SYN3: variants seen among roughly 807,000 people sequenced by gnomAD.
SYN3 encodes the protein synapsin III, also known as synapsin-3.
In SYN3, 35 loss-of-function variants were observed where a neutral mutation model predicts 65.8. The observed-to-expected ratio is 0.53, with a 90% CI of 0.41 to 0.70. The LOEUF (loss-of-function observed/expected upper bound fraction) is 0.70. Ranked by LOEUF, SYN3 falls within the 30% of genes least tolerant of loss-of-function variation. The pLI is 0.00. For synonymous variants in SYN3, 270 were observed against 292.9 expected (o/e 0.92, Z 0.80); for missense variants, 680 against 749.0 (o/e 0.91, Z 1.08).
chr22:32,986,074 A>C (rs1358236546), intron 2 of SYN3, among the ~76,000 whole-genome samples: 1 of 152,030 alleles, frequency 6.6e-6, no homozygotes, highest in Admixed American at 6.6e-5. Flanking sequence ...CCAGAAACTG[A>C]GTCTCCATGC....
At chr22:32,638,525 C>A (rs2059851371) in intron 6 of SYN3, among the ~76,000 whole-genome samples, 1 of 152,164 alleles carries the variant, frequency 6.6e-6, no homozygotes, top group South Asian at 2.1e-4. Context: ...GAGATGGTAT[C>A]TCATGGCGGT....
At chr22:33,034,738 A>G (rs539731191) in intron 1 of SYN3, among the ~76,000 whole-genome samples, 2 of 152,284 alleles carry the variant, frequency 1.3e-5, no homozygotes, top group South Asian at 4.1e-4. Context: ...CATTTTACGC[A>G]TGAGGAAACC....
At chr22:32,899,215 G>T (rs1431386762) in intron 4 of SYN3, among the ~76,000 whole-genome samples, 2 of 152,210 alleles carry the variant, frequency 1.3e-5, no homozygotes, top group Non-Finnish European at 2.9e-5. Flanking sequence ...AATCCTAGCG[G>T]GTGGTTCACA....
At chr22:32,676,528 CTTTTTTTTTTTTTT>C (rs879196572) in intron 6 of SYN3, among the ~76,000 whole-genome samples, 74 of 88,918 alleles carry the variant, frequency 8.3e-4, no homozygotes, top group Middle Eastern at 7.2e-3. Flanking sequence ...TCTTTTCTTT[CTTTTTTTTTTTTTT>C]TTTTTTTTTT....
intron 6 of SYN3, among the ~76,000 whole-genome samples, chr22:32,692,599 G>A (rs2060680455): frequency 2.0e-5 from 3 of 152,092 alleles, no homozygotes; most frequent in Non-Finnish European, 4.4e-5. Context: ...TTCTGTCTCC[G>A]CTGCTTCTGC....
intron 2 of SYN3, among the ~76,000 whole-genome samples, chr22:32,990,253 C>T (rs1212526164): frequency 7.3e-6 from 1 of 137,896 alleles, no homozygotes; most frequent in East Asian, 2.1e-4. Context: ...ATTATCCATT[C>T]ATCCACCCAA....
At chr22:33,043,781 G>C (rs1023419079) in intron 1 of SYN3, among the ~76,000 whole-genome samples, 1 of 151,400 alleles carries the variant, frequency 6.6e-6, no homozygotes, top group Non-Finnish European at 1.5e-5. Context: ...TGGGTCAGGC[G>C]CAGTGGCTCA....
intron 4 of SYN3, among the ~76,000 whole-genome samples, chr22:32,924,205 T>A (rs1387446028): frequency 6.6e-6 from 1 of 152,232 alleles, no homozygotes; most frequent in Non-Finnish European, 1.5e-5. Flanking sequence ...ATATACTCGG[T>A]AATGGGATTG....
chr22:32,542,974 A>T (rs1425385027), intron 7 of SYN3, among the ~76,000 whole-genome samples: 1 of 152,000 alleles, frequency 6.6e-6, no homozygotes, highest in Non-Finnish European at 1.5e-5. Flanking sequence ...ACAGCAGAGG[A>T]GTTCTGATGC....
At chr22:32,662,175 T>A (rs1297257022) in intron 6 of SYN3, among the ~76,000 whole-genome samples, 1 of 152,168 alleles carries the variant, frequency 6.6e-6, no homozygotes, top group African/African-American at 2.4e-5. Context: ...ATTCCCCCTA[T>A]GCATCCACTC....
intron 6 of SYN3, among the ~76,000 whole-genome samples, chr22:32,847,192 C>T (rs1220146857): frequency 6.6e-6 from 1 of 152,186 alleles, no homozygotes; most frequent in Non-Finnish European, 1.5e-5. Context: ...GCAGACATGC[C>T]TCTGCACGGA....
intron 6 of SYN3, among the ~76,000 whole-genome samples, chr22:32,835,262 ACCTACTATGTTCCAGACACTG>A (rs1465542011): frequency 6.6e-6 from 1 of 152,192 alleles, no homozygotes; most frequent in Non-Finnish European, 1.5e-5. Flanking sequence ...CCCACTGAGC[ACCTACTATGTTCCAGACACTG>A]TGAGATGTTG....
chr22:32,869,176 A>C (rs770144306), intron 4 of SYN3, 51 bp from the exon 5 acceptor site: 1 of 1,582,588 alleles, frequency 6.3e-7, no homozygotes, highest in Admixed American at 1.7e-5. Context: ...ATGAAACACC[A>C]GGGCATCCGG....
chr22:32,929,011 G>A (rs946223754), intron 4 of SYN3, among the ~76,000 whole-genome samples: 11 of 152,090 alleles, frequency 7.2e-5, no homozygotes, highest in Admixed American at 3.3e-4. Context: ...GGCTGGTCGC[G>A]GTGGCTCACA....
At chr22:33,035,176 AATG>A (rs2053829888) in intron 1 of SYN3, among the ~76,000 whole-genome samples, 1 of 152,170 alleles carries the variant, frequency 6.6e-6, no homozygotes, top group South Asian at 2.1e-4. Flanking sequence ...CGACAGTAAC[AATG>A]ATAATGATGA....
At chr22:32,608,166 C>A (rs556544875) in intron 6 of SYN3, among the ~76,000 whole-genome samples, 381 of 152,290 alleles carry the variant, frequency 2.5e-3, no homozygotes, top group African/African-American at 8.8e-3. Flanking sequence ...CTCCTGGGTT[C>A]AAGCGATTCC....
chr22:32,912,460 A>G (rs2050076552), intron 4 of SYN3, among the ~76,000 whole-genome samples: 1 of 152,144 alleles, frequency 6.6e-6, no homozygotes, highest in Non-Finnish European at 1.5e-5. Context: ...TCACACCTGT[A>G]ATCCCAGCAC....
chr22:32,776,653 C>G (rs769320208), intron 6 of SYN3, among the ~76,000 whole-genome samples: 1 of 152,188 alleles, frequency 6.6e-6, no homozygotes, highest in Non-Finnish European at 1.5e-5. Context: ...GAGCCAGTCA[C>G]GCAGCCTTGA....
chr22:32,848,836 A>G (rs1002894645), intron 6 of SYN3, among the ~76,000 whole-genome samples: 1 of 152,098 alleles, frequency 6.6e-6, no homozygotes, highest in South Asian at 2.1e-4. Flanking sequence ...CCGACTCCCA[A>G]TTGCTCCTTC....
Sources: allele counts gnomAD v4.1 joint callset (sites outside exome capture counted in the v4.1 genomes callset), GRCh38; gene constraint gnomAD v4.1.1; transcripts MANE v1.5; gene names NCBI Gene and HGNC (gene_info 2026-07-23, HGNC 2026-07-21).